The following FCRL1 variants were observed in gnomAD, a reference collection of about 807,000 sequenced individuals.
The protein encoded by FCRL1 is Fc receptor like 1.
In FCRL1, 34 loss-of-function variants were observed where a neutral mutation model predicts 49.2. The observed-to-expected ratio is 0.69, with a 90% confidence interval of 0.53 to 0.92. The LOEUF is 0.92. Ranked by LOEUF, FCRL1 falls within the 40% of genes least tolerant of loss-of-function variation. The pLI is 0.00. For synonymous variants in FCRL1, 218 were observed against 201.6 expected (o/e 1.08, Z -0.69); for missense variants, 524 against 524.1 (o/e 1.00, Z 0.00).
intron 1 of FCRL1, among the ~76,000 whole-genome samples, chr1:157,814,059 AG>A (rs1364067311): frequency 6.6e-6 from 1 of 152,186 alleles, no homozygotes; most frequent in African/African-American, 2.4e-5. Context: ...CAAGACCACT[AG>A]ACAAGCCTTA....
Sources: gnomAD v4.1 joint callset for allele counts (sites outside exome capture counted in the v4.1 genomes callset) on GRCh38, gnomAD v4.1.1 for gene constraint, MANE v1.5 for transcripts, NCBI Gene and HGNC (gene_info 2026-07-23, HGNC 2026-07-21) for gene names.